The following PTGER3 variants were observed in gnomAD, a reference collection of about 807,000 sequenced individuals.
The protein encoded by PTGER3 is prostaglandin E2 receptor EP3 subtype.
Under a neutral mutation model 34.7 loss-of-function variants are expected in PTGER3, and 22 were observed. The observed-to-expected ratio is 0.63, with a 90% CI of 0.45 to 0.91. PTGER3 has a LOEUF of 0.91. PTGER3 is among the 40% of genes least tolerant of loss of function. PTGER3 has a pLI of 0.00. For synonymous variants in PTGER3, 241 were observed against 230.1 expected (o/e 1.05, Z -0.43); for missense variants, 468 against 519.4 (o/e 0.90, Z 0.96).
exon 4 of PTGER3, chr1:70,952,785 CA>C (rs1650889210): frequency 7.4e-7 from 1 of 1,349,548 alleles, no homozygotes; most frequent in Admixed American, 3.0e-5. Flanking sequence ...GGTAATCTCC[CA>C]CCTTTCCGAG....
At chr1:71,010,814 C>G in intron 2 of PTGER3, 1 of 984,892 alleles carries the variant, frequency 1.0e-6, no homozygotes, top group South Asian at 4.7e-5. Flanking sequence ...ATAATTAGCC[C>G]CAATTGACAT....
chr1:70,905,380 C>G (rs1190989070), intron 4 of PTGER3, among the ~76,000 whole-genome samples: 3 of 152,110 alleles, frequency 2.0e-5, no homozygotes, highest in African/African-American at 7.2e-5. Context: ...ACTCCACTGA[C>G]AGCCTGCACC....
intron 4 of PTGER3, among the ~76,000 whole-genome samples, chr1:70,923,027 G>A (rs780183304): frequency 5.3e-5 from 8 of 152,034 alleles, no homozygotes; most frequent in African/African-American, 2.4e-5. Flanking sequence ...CTTATAAAAG[G>A]TTTATTAAAA....
chr1:71,008,394 A>G (rs1657154990), intron 2 of PTGER3: 16 of 873,264 alleles, frequency 1.8e-5, no homozygotes, highest in Non-Finnish European at 2.2e-5. Context: ...ATATGACTAA[A>G]CTTATATAAA....
At chr1:70,865,544 T>C (rs1557613450) in intron 4 of PTGER3, 5 of 1,083,456 alleles carry the variant, frequency 4.6e-6, no homozygotes, top group Non-Finnish European at 6.1e-6. Context: ...TCAGGGTTCT[T>C]GACTTATAAA....
intron 2 of PTGER3, among the ~76,000 whole-genome samples, chr1:70,979,641 A>C (rs910825861): frequency 6.6e-6 from 1 of 152,052 alleles, no homozygotes; most frequent in Non-Finnish European, 1.5e-5. Context: ...TTCCTTTCTT[A>C]TCTTTCCTCT....
chr1:70,904,480 C>T (rs1646904968), intron 4 of PTGER3, among the ~76,000 whole-genome samples: 1 of 152,156 alleles, frequency 6.6e-6, no homozygotes, highest in Non-Finnish European at 1.5e-5. Flanking sequence ...TTGAGAAAAA[C>T]ACTGATAGTG....
intron 4 of PTGER3, among the ~76,000 whole-genome samples, chr1:70,892,855 A>C (rs1028205819): frequency 6.6e-6 from 1 of 150,416 alleles, no homozygotes; most frequent in African/African-American, 2.5e-5. Context: ...AAAAAAAAAA[A>C]GAAAGAAAAA....
intron 2 of PTGER3, among the ~76,000 whole-genome samples, chr1:70,976,746 C>A (rs777654853): frequency 8.5e-5 from 13 of 152,116 alleles, no homozygotes; most frequent in Admixed American, 1.3e-4. Context: ...CATGCTTAAA[C>A]CCTTTAATAC....
At chr1:70,888,016 T>C (rs1342012442) in intron 4 of PTGER3, among the ~76,000 whole-genome samples, 1 of 152,240 alleles carries the variant, frequency 6.6e-6, no homozygotes, top group African/African-American at 2.4e-5. Flanking sequence ...GTCTTTCATT[T>C]TGGTGTTAAA....
intron 2 of PTGER3, among the ~76,000 whole-genome samples, chr1:70,989,606 T>C (rs2100762808): frequency 6.6e-6 from 1 of 152,304 alleles, no homozygotes; most frequent in East Asian, 1.9e-4. Flanking sequence ...ATTTTGAAAC[T>C]AGCTGAGAAG....
At chr1:70,961,438 C>A (rs1419884825) in intron 2 of PTGER3, among the ~76,000 whole-genome samples, 1 of 152,112 alleles carries the variant, frequency 6.6e-6, no homozygotes, top group Non-Finnish European at 1.5e-5. Flanking sequence ...ACCACAGTAC[C>A]CTGCTTTTTC....
In PTGER3 at chr1:71,021,229, CA is replaced by C. The variant is rs548113996; in HGVS notation, c.898-8746del. On this transcript the variant is annotated intron_variant, in intron 1 of 3. Coordinates refer to ENST00000306666, the MANE Select transcript of PTGER3 (RefSeq NM_198719.2). ...TATTCAGTTACTGGATATGGAAAAT[CA>C]AAATTATAAAGAAGCCAGCAGCCCG... Among the ~76,000 whole-genome samples, 659 of 152,120 alleles carry C rather than the reference CA, an allele frequency of 4.3e-3. 8 individuals carry two copies. Among genetic ancestry groups the C allele is most frequent in the African/African-American group, 0.015 (620 of 41,524 alleles).
intron 2 of PTGER3, among the ~76,000 whole-genome samples, chr1:70,957,170 G>T (rs369941861): frequency 6.6e-6 from 1 of 152,252 alleles, no homozygotes; most frequent in East Asian, 1.9e-4. Context: ...CTATTCGAAT[G>T]TCCCCTTGTC....
At chr1:71,008,410 A>G (rs1657156834) in intron 2 of PTGER3, 1 of 877,538 alleles carries the variant, frequency 1.1e-6, no homozygotes, top group Middle Eastern at 5.9e-4. Flanking sequence ...ATAAATTATA[A>G]CCCTTAAATA....
At chr1:70,938,456 A>C (rs1572701283) in intron 4 of PTGER3, among the ~76,000 whole-genome samples, 1 of 152,202 alleles carries the variant, frequency 6.6e-6, no homozygotes, top group Non-Finnish European at 1.5e-5. Context: ...TTAAAAAAAA[A>C]CATTTTCCAT....
intron 4 of PTGER3, among the ~76,000 whole-genome samples, chr1:70,927,799 A>G (rs1418409940): frequency 6.6e-6 from 1 of 152,118 alleles, no homozygotes; most frequent in Non-Finnish European, 1.5e-5. Flanking sequence ...CAAGTGGCCA[A>G]TGATGTTATC....
At chr1:70,992,966 A>G (rs1655607329) in intron 2 of PTGER3, among the ~76,000 whole-genome samples, 1 of 152,214 alleles carries the variant, frequency 6.6e-6, no homozygotes, top group Non-Finnish European at 1.5e-5. Flanking sequence ...ACTTTTTGAG[A>G]TTAATTTCAT....
At chr1:71,038,898 A>G (rs1236539798) in intron 1 of PTGER3, among the ~76,000 whole-genome samples, 2 of 152,182 alleles carry the variant, frequency 1.3e-5, no homozygotes, top group Non-Finnish European at 2.9e-5. Flanking sequence ...ACTGAGGGAG[A>G]GACTCTCTCA....
Sources: gnomAD v4.1 joint callset for allele counts (sites outside exome capture counted in the v4.1 genomes callset) on GRCh38, gnomAD v4.1.1 for gene constraint, MANE v1.5 for transcripts, NCBI Gene and HGNC (gene_info 2026-07-23, HGNC 2026-07-21) for gene names.